RBFOX1: variants seen among roughly 807,000 people sequenced by gnomAD.
RBFOX1 encodes the protein RNA binding protein fox-1 homolog 1.
In RBFOX1, 8 loss-of-function variants were observed where a neutral mutation model predicts 57.7. The observed-to-expected ratio is 0.14, with a 90% CI of 0.08 to 0.25. The LOEUF (loss-of-function observed/expected upper bound fraction) is 0.25. RBFOX1 is among the 10% of genes least tolerant of loss of function. RBFOX1 has a pLI of 1.00. For synonymous variants in RBFOX1, 326 were observed against 222.4 expected (o/e 1.47, Z -4.15); for missense variants, 611 against 548.5 (o/e 1.11, Z -1.14).
rs546380248 is a variant in RBFOX1 at position 6,376,702 on chromosome 16, A to G, written c.-64+59645A>G. On this transcript the variant is annotated intron_variant, in intron 2 of 15. Transcript: ENST00000550418. ...CTCCTGTGTTAGCTTCCTAGATTGCAGTAAGAAGTATCAGAAGCTCAGTGG... is the reference window on the plus strand; with the variant it reads ...CTCCTGTGTTAGCTTCCTAGATTGCGGTAAGAAGTATCAGAAGCTCAGTGG... Among the ~76,000 whole-genome samples, 23 of 152,294 alleles carry G rather than the reference A, an allele frequency of 1.5e-4. 2 individuals carry two copies. The highest frequency in any genetic ancestry group is 1.4e-3 in the East Asian group (7 of 5,182).
At chr16:7,554,399 G>A (rs774077294) in intron 5 of RBFOX1, among the ~76,000 whole-genome samples, 4 of 152,158 alleles carry the variant, frequency 2.6e-5, no homozygotes, top group Non-Finnish European at 5.9e-5. Context: ...AGCAACCTGA[G>A]CACAGAGAGG....
chr16:5,580,352 TCCTCAGCTGC>T (rs2046623499), intron 2 of RBFOX1, among the ~76,000 whole-genome samples: 1 of 152,180 alleles, frequency 6.6e-6, no homozygotes, highest in Non-Finnish European at 1.5e-5. Flanking sequence ...TGGGAAAACA[TCCTCAGCTGC>T]GTGGGTCTCA....
chr16:7,475,713 C>CG (rs1269352383), intron 4 of RBFOX1, among the ~76,000 whole-genome samples: 6 of 152,106 alleles, frequency 3.9e-5, no homozygotes, highest in Admixed American at 1.3e-4. Context: ...TGAATGGCCT[C>CG]GGACAAGTTA....
intron 3 of RBFOX1, among the ~76,000 whole-genome samples, chr16:5,864,044 C>G (rs1044233336): frequency 3.9e-5 from 6 of 152,096 alleles, no homozygotes; most frequent in Non-Finnish European, 7.4e-5. Context: ...CGTGATCCTC[C>G]CCCTCCTTTC....
At chr16:7,035,989 C>A (rs570067083) in intron 3 of RBFOX1, among the ~76,000 whole-genome samples, 121 of 152,244 alleles carry the variant, frequency 7.9e-4, no homozygotes, top group South Asian at 1.9e-3. Flanking sequence ...CCTCAAGTTT[C>A]TCAAGCTACA....
chr16:6,842,465 T>C (rs1253983051), intron 3 of RBFOX1, among the ~76,000 whole-genome samples: 1 of 152,098 alleles, frequency 6.6e-6, no homozygotes, highest in African/African-American at 2.4e-5. Context: ...TATACAAATA[T>C]GAATGTGTGT....
intron 2 of RBFOX1, among the ~76,000 whole-genome samples, chr16:6,329,100 C>G (rs914394164): frequency 6.6e-6 from 1 of 152,150 alleles, no homozygotes; most frequent in Non-Finnish European, 1.5e-5. Context: ...CCTTTCAAAA[C>G]TCATACTCAT....
At chr16:5,570,803 G>A (rs2046255590) in intron 2 of RBFOX1, among the ~76,000 whole-genome samples, 1 of 146,016 alleles carries the variant, frequency 6.8e-6, no homozygotes, top group African/African-American at 2.5e-5. Flanking sequence ...TTGCACCACC[G>A]TACTCCAGTC....
intron 1 of RBFOX1, among the ~76,000 whole-genome samples, chr16:5,375,722 A>G (rs1320880613): frequency 6.6e-6 from 1 of 152,182 alleles, no homozygotes; most frequent in Non-Finnish European, 1.5e-5. Context: ...CCAAATGGGA[A>G]ACATCTTTGG....
At chr16:5,241,228 C>G (rs2062159833) in intron 1 of RBFOX1, among the ~76,000 whole-genome samples, 1 of 152,184 alleles carries the variant, frequency 6.6e-6, no homozygotes, top group African/African-American at 2.4e-5. Context: ...ACATCCTCAT[C>G]TCCCCGTGCA....
chr16:6,079,668 C>G (rs538823431), intron 1 of RBFOX1, among the ~76,000 whole-genome samples: 11 of 152,056 alleles, frequency 7.2e-5, no homozygotes, highest in Non-Finnish European at 1.6e-4. Flanking sequence ...GACCCCGTTT[C>G]TACAAAAAAA....
chr16:7,633,075 G>A (rs1050026774), intron 11 of RBFOX1, among the ~76,000 whole-genome samples: 10 of 152,162 alleles, frequency 6.6e-5, no homozygotes, highest in South Asian at 2.1e-4. Context: ...CCCATGGCCT[G>A]TGTTACAAGG....
At chr16:6,732,344 TGA>T (rs1401473906) in intron 3 of RBFOX1, among the ~76,000 whole-genome samples, 1 of 151,850 alleles carries the variant, frequency 6.6e-6, no homozygotes, top group African/African-American at 2.4e-5. Flanking sequence ...CACGAGAGAG[TGA>T]GTCTCTGACA....
At chr16:6,324,788 A>G (rs910305484) in intron 2 of RBFOX1, among the ~76,000 whole-genome samples, 2 of 152,172 alleles carry the variant, frequency 1.3e-5, no homozygotes, top group African/African-American at 4.8e-5. Context: ...AAAGCAAATG[A>G]GATATAGAAA....
At chr16:5,886,198 T>A (rs2057895208) in intron 4 of RBFOX1, among the ~76,000 whole-genome samples, 1 of 152,182 alleles carries the variant, frequency 6.6e-6, no homozygotes, top group Non-Finnish European at 1.5e-5. Flanking sequence ...TTCCCCAGTT[T>A]CAGGTATTGC....
chr16:5,566,226 C>T (rs2046062224), intron 2 of RBFOX1, among the ~76,000 whole-genome samples: 1 of 152,098 alleles, frequency 6.6e-6, no homozygotes, highest in Non-Finnish European at 1.5e-5. Context: ...ACTTGGTCTC[C>T]TCCTTCCCAG....
chr16:5,380,329 C>G (rs1360214006), intron 1 of RBFOX1, among the ~76,000 whole-genome samples: 3 of 152,136 alleles, frequency 2.0e-5, no homozygotes, highest in Non-Finnish European at 4.4e-5. Context: ...GCCTCTGTCC[C>G]AAGGATAGAC....
intron 3 of RBFOX1, among the ~76,000 whole-genome samples, chr16:6,989,052 C>T (rs948407107): frequency 2.0e-5 from 3 of 151,960 alleles, no homozygotes; most frequent in Non-Finnish European, 2.9e-5. Flanking sequence ...CGTGAGCCAC[C>T]GCGCCCGGCT....
At chr16:7,363,641 C>G (rs2097374070) in intron 4 of RBFOX1, among the ~76,000 whole-genome samples, 1 of 152,174 alleles carries the variant, frequency 6.6e-6, no homozygotes, top group African/African-American at 2.4e-5. Context: ...TTTAAACACA[C>G]TGGGACTTAA....
Sources: gnomAD v4.1 joint callset for allele counts (sites outside exome capture counted in the v4.1 genomes callset) on GRCh38, gnomAD v4.1.1 for gene constraint, MANE v1.5 for transcripts, NCBI Gene and HGNC (gene_info 2026-07-23, HGNC 2026-07-21) for gene names.